Variants in BAG5 observed in about 807,000 individuals in gnomAD.
BAG5 encodes BAG family molecular chaperone regulator 5.
BAG5 carries 25 observed loss-of-function variants against 31.8 expected under a neutral mutation model. The observed-to-expected ratio is 0.79, with a 90% confidence interval of 0.57 to 1.10. BAG5 has a LOEUF of 1.10. BAG5 is among the 50% of genes least tolerant of loss of function. The probability of loss-of-function intolerance (pLI) is 0.00; values close to 1 mark genes in which losing one functional copy is unlikely to be tolerated. For synonymous variants in BAG5, 208 were observed against 205.0 expected, an observed-to-expected ratio of 1.01 and a Z score of -0.13; for missense variants, 491 against 527.9, an observed-to-expected ratio of 0.93 and a Z score of 0.68.
chr14:103,559,955 T>G lies in BAG5; in HGVS notation c.1210A>C (p.Lys404Gln). 6.2e-7 allele frequency: 1 copy of G among 1,614,216 alleles called. No homozygotes were observed. Among genetic ancestry groups the G allele is most frequent in the South Asian group, 1.1e-5 (1 of 91,082 alleles). The change falls in exon 2 of 2, where the codon AAG (lysine) becomes CAG (glutamine). Residue 404 changes from lysine to glutamine, a missense_variant. Lys to Gln is a moderately conservative substitution (Grantham distance 53). Transcript: ENST00000299204. ...ACAGCATCCAGGGCTAGCAGCTGCT[T>G]GGTGAGCAGCTCTTCCAGCCGGATG... ...NYIRLEELLTKQLLALDAVDP... is the reference protein window; with the variant it reads ...NYIRLEELLTQQLLALDAVDP...
rs1478708223 is a variant in BAG5, at chr14:103,557,111, A to G, written c.*2710T>C. The stretch of plus-strand genomic sequence containing the variant: ...GTTCCCAGCCATTTTTGGCATGAAC[A>G]TGGACTACAGCGTTTAATGCAGACC... On this transcript the variant is annotated 3_prime_UTR_variant, in exon 2 of 2. Transcript: ENST00000299204. The G allele has an allele frequency of 6.6e-6, 1 of 152,276 alleles. No individual in the cohort carries two copies. Among genetic ancestry groups the G allele is most frequent in the Admixed American group, 6.5e-5 (1 of 15,288 alleles). 9.4% of individuals were successfully genotyped at this position (152,276 alleles called of 1,614,324 possible).
At chr14:103,561,894 G>C in intron 1 of BAG5, 1 of 1,559,328 alleles carries the variant, frequency 6.4e-7, no homozygotes, top group Non-Finnish European at 8.8e-7. Flanking sequence ...TGGTAACTAT[G>C]AATAATTCAT....
rs2076044341 is a variant in BAG5, at chr14:103,557,325, G to T, written c.*2496C>A. 6.6e-6 allele frequency: 1 copy of T among 152,220 alleles called. No homozygotes were observed. The highest frequency in any genetic ancestry group is 2.4e-5 in the African/African-American group (1 of 41,462). 9.4% of individuals were successfully genotyped at this position (152,220 alleles called of 1,614,324 possible). The stretch of plus-strand genomic sequence containing the variant: ...CCGGTGTCAACAGGGTTCATTGCAG[G>T]AGTAGAATAATCCGGTACAAGGAAC... On this transcript the variant is annotated 3_prime_UTR_variant, in exon 2 of 2. Transcript: ENST00000299204.
In BAG5 at chr14:103,559,913, C is replaced by A. The variant is rs745518703; in HGVS notation, c.1252G>T (p.Glu418Ter). 2.5e-6 allele frequency: 4 copies of A among 1,614,120 alleles called. No homozygotes were observed. The change falls in exon 2 of 2, where the codon GAG becomes TAG. Residue 418 changes from glutamate (E) to a stop codon, truncating the protein, a stop_gained. Transcript: ENST00000299204. LOFTEE classifies it high-confidence loss of function. ...TGTTTCCTGGCAGCCTTACACTTCT[C>A]TTCTCCCTGCGGATCAACAGCATCC... ...ALDAVDPQGE[E>*]KCKAARKQAV...
chr14:103,560,399 G>T lies in BAG5; in HGVS notation c.766C>A (p.Leu256Met), dbSNP rs1255854430. 6.2e-7 allele frequency: 1 copy of T among 1,613,984 alleles called. No individual in the cohort carries two copies. The highest frequency in any genetic ancestry group is 8.5e-7 in the Non-Finnish European group (1 of 1,180,036). Residue 256 changes from leucine to methionine, a missense_variant, in exon 2 of 2, where the codon CTG (leucine) becomes ATG (methionine). Transcript: ENST00000299204. The part of the protein sequence containing the change: ...VEDINKLLKY[L>M]DLEEEADTTK... Reference sequence around the variant, plus strand: ...GTGTCTGCTTCCTCTTCCAAATCCAGATATTTCAATAATTTGTTGATATCT... The same window carrying T: ...GTGTCTGCTTCCTCTTCCAAATCCATATATTTCAATAATTTGTTGATATCT...
rs2076063650 is a variant in BAG5 at position 103,560,406 on chromosome 14, C to T, written c.759G>A (p.Leu253=). ...REVVEDINKL[L]KYLDLEEEAD... is the part of the protein sequence containing the mutation. ...CTTCCTCTTCCAAATCCAGATATTT[C>T]AATAATTTGTTGATATCTTCTACTA... The change falls in exon 2 of 2, where the codon TTG becomes TTA. Residue 253 remains leucine, a synonymous_variant. Transcript: ENST00000299204. The T allele has an allele frequency of 6.2e-7, 1 of 1,614,020 alleles. No homozygotes were observed. The highest frequency in any genetic ancestry group is 8.5e-7 in the Non-Finnish European group (1 of 1,180,030).
chr14:103,561,877 G>C, intron 1 of BAG5: 2 of 1,507,498 alleles, frequency 1.3e-6, no homozygotes, highest in Admixed American at 1.8e-5. Flanking sequence ...AACAACCCGC[G>C]AAAACGTGGT....
chr14:103,560,292 ATTT>A lies in BAG5; in HGVS notation c.870_872del (p.Lys290del). Reference sequence around the variant, plus strand: ...AAGGGTTTTGTGCTTGGAGAAGTTCATTTTTTATTTCTCTCATTCTCTTGAGGA... The same window carrying A: ...AAGGGTTTTGTGCTTGGAGAAGTTCATTTATTTCTCTCATTCTCTTGAGGA... On this transcript the variant is annotated inframe_deletion, in exon 2 of 2. Transcript: ENST00000299204. 1 of 1,614,054 alleles carries A rather than the reference ATTT, an allele frequency of 6.2e-7. No individual in the cohort carries two copies. The highest frequency in any genetic ancestry group is 8.5e-7 in the Non-Finnish European group (1 of 1,180,006).
chr14:103,562,324 G>A (rs935984902), intron 1 of BAG5: 34 of 365,958 alleles, frequency 9.3e-5, no homozygotes, highest in Non-Finnish European at 1.6e-4. Context: ...CCTGCAGGAC[G>A]TGACCTCACA....
chr14:103,559,776 A>G lies in BAG5; in HGVS notation c.*45T>C, dbSNP rs567866975. The G allele has an allele frequency of 3.8e-6, 6 of 1,576,868 alleles. No homozygotes were observed. The highest frequency in any genetic ancestry group is 5.2e-6 in the Non-Finnish European group (6 of 1,161,244). On this transcript the variant is annotated 3_prime_UTR_variant, in exon 2 of 2. Coordinates refer to ENST00000299204, the MANE Select transcript of BAG5 (RefSeq NM_001015048.3). Reference sequence around the variant, plus strand: ...CTGAAAGCTCTCTATACATAGAAGCACATATGAAGTGCAAAACAGTATCAA... The same window carrying G: ...CTGAAAGCTCTCTATACATAGAAGCGCATATGAAGTGCAAAACAGTATCAA...
Position 103,560,702 on chromosome 14 carries a change from T to C in BAG5, c.463A>G (p.Lys155Glu), listed in dbSNP as rs748792134. The change falls in exon 2 of 2, where the codon AAA (lysine) becomes GAA (glutamate). Residue 155 changes from lysine to glutamate, a missense_variant. By Grantham distance (56) the Lys-to-Glu change is moderately conservative. Transcript: ENST00000299204. Reference sequence around the variant, plus strand: ...ATTATCTCTTGCACCGCACAGATTTTGGTTAAAGTGTGATACCTTGCTTTC... The same window carrying C: ...ATTATCTCTTGCACCGCACAGATTTCGGTTAAAGTGTGATACCTTGCTTTC... The part of the protein sequence containing the change: ...LRKARYHTLT[K>E]ICAVQEIIED... The C allele has an allele frequency of 6.2e-7, 1 of 1,614,220 alleles. No individual in the cohort carries two copies. The highest frequency in any genetic ancestry group is 1.1e-5 in the South Asian group (1 of 91,092).
Position 103,560,764 on chromosome 14 carries a change from A to G in BAG5, c.401T>C (p.Leu134Pro). 5.0e-6 allele frequency: 8 copies of G among 1,613,840 alleles called. No individual in the cohort carries two copies. The highest frequency in any genetic ancestry group is 6.8e-6 in the Non-Finnish European group (8 of 1,179,974). Residue 134 changes from leucine to proline, a missense_variant, in exon 2 of 2, where the codon CTG becomes CCG. Transcript: ENST00000299204. ...TTTTCCTCCAGTTTTAACATGTGTC[A>G]GCCTCAGAATGATATCTTGGATGCC... is the stretch of plus-strand genomic sequence containing the variant. ...EEGIQDIILR[L>P]THVKTGGKIS...
Position 103,560,380 on chromosome 14 carries a change from G to C in BAG5, c.785C>G (p.Ala262Gly). 1 of 1,614,080 alleles carries C rather than the reference G, an allele frequency of 6.2e-7. No individual in the cohort carries two copies. The highest frequency in any genetic ancestry group is 8.5e-7 in the Non-Finnish European group (1 of 1,180,024). ...CAGGTCAAATGCTTTAGTTGTGTCTGCTTCCTCTTCCAAATCCAGATATTT... is the reference window on the plus strand; with the variant it reads ...CAGGTCAAATGCTTTAGTTGTGTCTCCTTCCTCTTCCAAATCCAGATATTT... ...LLKYLDLEEE[A>G]DTTKAFDLRQ... The change falls in exon 2 of 2, where the codon GCA becomes GGA. Residue 262 changes from alanine to glycine, a missense_variant. Physicochemically the swap from Ala to Gly is moderately conservative, Grantham distance 60. Transcript: ENST00000299204.
Position 103,561,204 on chromosome 14 carries a change from C to T in BAG5, c.-28-12G>A. The T allele has an allele frequency of 5.1e-6, 8 of 1,577,810 alleles. No homozygotes were observed. Among genetic ancestry groups the T allele is most frequent in the Non-Finnish European group, 6.8e-6 (8 of 1,170,914 alleles). On this transcript the variant is annotated splice_polypyrimidine_tract_variant and intron_variant, in intron 1 of 1. Coordinates refer to ENST00000299204, the MANE Select transcript of BAG5 (RefSeq NM_001015048.3). ...CAGTTTCACAAGCACTAAAAGACGACAAGAATGATAACTTACTACAGCACA... is the reference window on the plus strand; with the variant it reads ...CAGTTTCACAAGCACTAAAAGACGATAAGAATGATAACTTACTACAGCACA...
chr14:103,561,143 G>A lies in BAG5; in HGVS notation c.22C>T (p.Pro8Ser), dbSNP rs2076070274. ...ATTTCCTGAAGCCTACTAATAGAAG[G>A]ATGTTGGTTTCCCATATCCATACTT... MDMGNQH[P>S]SISRLQEIQK... The change falls in exon 2 of 2, where the codon CCT becomes TCT. Residue 8 changes from proline (P) to serine (S), a missense_variant. Pro to Ser is a moderately conservative substitution (Grantham distance 74). Transcript: ENST00000299204. The A allele has an allele frequency of 3.1e-6, 5 of 1,600,302 alleles. 1 individual carries two copies. In the South Asian group the frequency reaches 3.3e-5, roughly 11 times the overall value.
In BAG5 at chr14:103,562,577, C is replaced by G. The variant is rs1258311749; in HGVS notation, c.-29+39G>C. 3 of 162,502 alleles carry G rather than the reference C, an allele frequency of 1.8e-5. No individual in the cohort carries two copies. The Admixed American group carries it at 1.9e-4, about 10-fold the overall frequency. The allele number at this position is 162,502 out of a possible 1,614,324, so 10.1% of individuals were successfully genotyped here. A position where few individuals can be genotyped will look rare whatever the true frequency, so the allele number is the denominator to read the frequency against. On this transcript the variant is annotated intron_variant, in intron 1 of 1. Transcript: ENST00000299204. Reference sequence around the variant, plus strand: ...CGGAGGTGGTGCCCCACTCGTCCCCCCGAGAGAGGGAAAAGGCTACAAGCC... The same window carrying G: ...CGGAGGTGGTGCCCCACTCGTCCCCGCGAGAGAGGGAAAAGGCTACAAGCC...
At position 103,561,810 on chromosome 14, in the gene BAG5, G is replaced by A. The variant is rs1333457076; in HGVS notation, c.-28-618C>T. 6 of 814,532 alleles carry A rather than the reference G, an allele frequency of 7.4e-6. No homozygotes were observed. The East Asian group carries it at 1.5e-4, about 21-fold the overall frequency. 50.5% of individuals were successfully genotyped at this position (814,532 alleles called of 1,614,324 possible). On this transcript the variant is annotated intron_variant, in intron 1 of 1. Transcript: ENST00000299204. Reference sequence around the variant, plus strand: ...GACAGCGCTGAAGGGCACCACCTTGGGCTTTCGAGGCCCAACACCTCCTCA... The same window carrying A: ...GACAGCGCTGAAGGGCACCACCTTGAGCTTTCGAGGCCCAACACCTCCTCA...
rs2076055889 is a variant in BAG5 at position 103,559,420 on chromosome 14, T to G, written c.*401A>C. The G allele has an allele frequency of 5.5e-6, 1 of 181,290 alleles. No homozygotes were observed. The highest frequency in any genetic ancestry group is 2.4e-5 in the African/African-American group (1 of 41,922). The allele number at this position is 181,290 out of a possible 1,614,324, so 11.2% of individuals were successfully genotyped here. On this transcript the variant is annotated 3_prime_UTR_variant, in exon 2 of 2. Coordinates refer to ENST00000299204, the MANE Select transcript of BAG5 (RefSeq NM_001015048.3). ...TACTGCTTGTGTTTGAACCTTACTC[T>G]TATTTAACCAAAAATTTCCCCTTTC...
rs775345840 is a variant in BAG5 at position 103,559,811 on chromosome 14, C to A, written c.*10G>T. The A allele has an allele frequency of 2.5e-6, 4 of 1,607,324 alleles. No homozygotes were observed. Among genetic ancestry groups the A allele is most frequent in the South Asian group, 1.1e-5 (1 of 90,966 alleles). On this transcript the variant is annotated 3_prime_UTR_variant, in exon 2 of 2. Coordinates refer to ENST00000299204, the MANE Select transcript of BAG5 (RefSeq NM_001015048.3). Reference sequence around the variant, plus strand: ...TGCAAAACAGTATCAAAAGTGAGATCTCTGGTATTTCAGTACTCCCATTCA... The same window carrying A: ...TGCAAAACAGTATCAAAAGTGAGATATCTGGTATTTCAGTACTCCCATTCA...
Sources: allele counts gnomAD v4.1 joint callset, GRCh38; gene constraint gnomAD v4.1.1; transcripts MANE v1.5; gene names NCBI Gene and HGNC (gene_info 2026-07-23, HGNC 2026-07-21).